Variants in EXTL2 observed in about 807,000 individuals in gnomAD.
The protein encoded by EXTL2 is exostosin like glycosyltransferase 2, also known as exostosin-like 2.
A neutral mutation model predicts 30.7 loss-of-function variants in EXTL2; 23 were observed. The observed-to-expected ratio is 0.75, with a 90% CI of 0.54 to 1.06. The LOEUF (loss-of-function observed/expected upper bound fraction) is 1.06, where lower values mean the gene tolerates loss of function less well. EXTL2 is among the 50% of genes least tolerant of loss of function. The probability of loss-of-function intolerance (pLI) is 0.00; values close to 1 mark genes in which losing one functional copy is unlikely to be tolerated. For missense variants in EXTL2, 352 were observed against 396.3 expected (o/e 0.89, Z 0.95); for synonymous variants, 123 against 133.8 (o/e 0.92, Z 0.56).
At chr1:100,882,047 G>A (rs1178050408) in intron 2 of EXTL2, among the ~76,000 whole-genome samples, 1 of 152,196 alleles carries the variant, frequency 6.6e-6, no homozygotes, top group African/African-American at 2.4e-5. Context: ...CTCCTTATGA[G>A]AATTTAATGC....
rs1052625927 is a variant in EXTL2, at chr1:100,873,373, G to A, written c.*569C>T. On this transcript the variant is annotated 3_prime_UTR_variant, in exon 5 of 5. Transcript: ENST00000370114. ...AAGACTTAACAAAAATAAAAGCATG[G>A]ATGGTTACATCAAAACCATGCTGGA... is the stretch of plus-strand genomic sequence containing the variant. 1 of 152,246 alleles carries A rather than the reference G, an allele frequency of 6.6e-6. No homozygotes were observed. Among genetic ancestry groups the A allele is most frequent in the African/African-American group, 2.4e-5 (1 of 41,414 alleles). The allele number at this position is 152,246 out of a possible 1,614,324, so 9.4% of individuals were successfully genotyped here.
chr1:100,873,399 C>G lies in EXTL2; in HGVS notation c.*543G>C, dbSNP rs1476241304. 6.6e-6 allele frequency: 1 copy of G among 152,454 alleles called. No homozygotes were observed. The highest frequency in any genetic ancestry group is 6.6e-5 in the Admixed American group (1 of 15,260). The allele number at this position is 152,454 out of a possible 1,614,324, so 9.4% of individuals were successfully genotyped here. A position where few individuals can be genotyped will look rare whatever the true frequency, so the allele number is the denominator to read the frequency against. On this transcript the variant is annotated 3_prime_UTR_variant, in exon 5 of 5. Coordinates refer to ENST00000370114, the MANE Select transcript of EXTL2 (RefSeq NM_001033025.3). ...ATGGTTACATCAAAACCATGCTGGA[C>G]TGAGTTCGTCCTGGAAGAGCTGGTT...
At chr1:100,883,204 T>G (rs978796706) in intron 2 of EXTL2, among the ~76,000 whole-genome samples, 1 of 152,076 alleles carries the variant, frequency 6.6e-6, no homozygotes, top group South Asian at 2.1e-4. Flanking sequence ...TATGTTGGAG[T>G]TTTTTAGTAT....
intron 2 of EXTL2, among the ~76,000 whole-genome samples, chr1:100,879,395 G>A (rs1649389136): frequency 6.6e-6 from 1 of 152,130 alleles, no homozygotes; most frequent in Non-Finnish European, 1.5e-5. Context: ...AGCCAGAAGT[G>A]AGGAAAATGA....
intron 2 of EXTL2, among the ~76,000 whole-genome samples, chr1:100,884,489 C>A (rs1649811747): frequency 6.6e-6 from 1 of 152,204 alleles, no homozygotes; most frequent in African/African-American, 2.4e-5. Flanking sequence ...AACCAATGAC[C>A]AGTTTCTGAC....
In EXTL2 at chr1:100,877,615, T is replaced by C. The variant is rs1193603435; in HGVS notation, c.294A>G (p.Val98=). 1 of 1,613,596 alleles carries C rather than the reference T, an allele frequency of 6.2e-7. No homozygotes were observed. Among genetic ancestry groups the C allele is most frequent in the South Asian group, 1.1e-5 (1 of 91,070 alleles). ...GTGCCTTCTCTCCAATATTGTTCCA[T>C]ACCACAATCACTTTGTGCAGATTTG... ...AVPNLHKVIV[V]WNNIGEKAPD... is the part of the protein sequence containing the mutation. The change falls in exon 3 of 5, where the codon GTA becomes GTG. Residue 98 remains valine, a synonymous_variant. Transcript: ENST00000370114. The surrounding 1 kb of genome is among the most constrained non-coding windows in gnomAD (Gnocchi z 4.1).
intron 1 of EXTL2, 102 bp from the exon 2 acceptor site, chr1:100,888,930 G>A: frequency 2.2e-6 from 1 of 447,748 alleles, no homozygotes. Context: ...TTGTCCATAA[G>A]CCTTGAGTTA....
At chr1:100,878,448 C>T (rs1372877298) in intron 2 of EXTL2, 1 of 470,986 alleles carries the variant, frequency 2.1e-6, no homozygotes, top group Admixed American at 2.3e-5. Flanking sequence ...GTTCCAGGTT[C>T]TGTGGATACA....
At position 100,877,453 on chromosome 1, in the gene EXTL2, C is replaced by G. The variant is rs769217197; in HGVS notation, c.433+23G>C. The G allele has an allele frequency of 6.5e-7, 1 of 1,542,460 alleles. No homozygotes were observed. Among genetic ancestry groups the G allele is most frequent in the Non-Finnish European group, 8.7e-7 (1 of 1,146,520 alleles). ...TCTGGACAGCGGCAGCCTTTCCAGG[C>G]TGAGAACTACACTGCAACTCACCAT... On this transcript the variant is annotated intron_variant, in intron 3 of 4. Transcript: ENST00000370114. This position sits in a 1 kb window ranked among gnomAD's most constrained non-coding sequence, Gnocchi z 4.1.
intron 4 of EXTL2, among the ~76,000 whole-genome samples, chr1:100,875,689 C>T (rs1649058997): frequency 6.6e-6 from 1 of 151,972 alleles, no homozygotes; most frequent in Non-Finnish European, 1.5e-5. Flanking sequence ...GGTCAATGGA[C>T]TGAAATTGTT....
chr1:100,879,546 CTTAA>C (rs879266687), intron 2 of EXTL2, among the ~76,000 whole-genome samples: 8 of 152,056 alleles, frequency 5.3e-5, no homozygotes, highest in Non-Finnish European at 1.0e-4. Context: ...TCTTGGTGAC[CTTAA>C]TTAACCCATA....
At chr1:100,881,010 C>T (rs946602339) in intron 2 of EXTL2, 2 of 984,066 alleles carry the variant, frequency 2.0e-6, no homozygotes, top group African/African-American at 3.5e-5. Context: ...GTATCCATCA[C>T]AGACATTTCC....
At chr1:100,879,267 C>T (rs975079645) in intron 2 of EXTL2, among the ~76,000 whole-genome samples, 3 of 152,108 alleles carry the variant, frequency 2.0e-5, no homozygotes, top group South Asian at 2.1e-4. Context: ...GCTACTTACT[C>T]TTCCACAGGC....
intron 2 of EXTL2, among the ~76,000 whole-genome samples, chr1:100,881,920 G>C (rs1438990583): frequency 6.6e-6 from 1 of 152,136 alleles, no homozygotes; most frequent in African/African-American, 2.4e-5. Context: ...GTGAGCAATG[G>C]GTAAGCAAGC....
Position 100,873,697 on chromosome 1 carries a change from T to C in EXTL2, c.*245A>G. ...CAGTCTCAGGATGTAAACAATAAAA[T>C]CACTGACCAAGGAGTTATATCCCTG... is the stretch of plus-strand genomic sequence containing the variant. On this transcript the variant is annotated 3_prime_UTR_variant, in exon 5 of 5. Coordinates refer to ENST00000370114, the MANE Select transcript of EXTL2 (RefSeq NM_001033025.3). The C allele has an allele frequency of 2.7e-6, 1 of 369,162 alleles. No individual in the cohort carries two copies. Among genetic ancestry groups the C allele is most frequent in the East Asian group, 4.8e-5 (1 of 21,030 alleles). 22.9% of individuals were successfully genotyped at this position (369,162 alleles called of 1,614,324 possible). A position where few individuals can be genotyped will look rare whatever the true frequency, so the allele number is the denominator to read the frequency against.
In EXTL2 at chr1:100,874,237, A is replaced by G; in HGVS notation, c.698T>C (p.Val233Ala). 2 of 1,612,912 alleles carry G rather than the reference A, an allele frequency of 1.2e-6. No homozygotes were observed. The highest frequency in any genetic ancestry group is 1.7e-6 in the Non-Finnish European group (2 of 1,179,398). The change falls in exon 5 of 5, where the codon GTC becomes GCC. Residue 233 changes from valine (V) to alanine (A), a missense_variant. Transcript: ENST00000370114. ...TTGAGTATCATCTATCAAAGCATGGACAGCTGCAGGTTGCCTCTGAAATAA... is the reference window on the plus strand; with the variant it reads ...TTGAGTATCATCTATCAAAGCATGGGCAGCTGCAGGTTGCCTCTGAAATAA... ...LELFQRQPAA[V>A]HALIDDTQNC...
At chr1:100,882,994 C>T (rs550264654) in intron 2 of EXTL2, among the ~76,000 whole-genome samples, 24 of 152,214 alleles carry the variant, frequency 1.6e-4, no homozygotes, top group African/African-American at 4.8e-4. Flanking sequence ...ACTCAAGGTC[C>T]GGGGATAAGG....
chr1:100,876,928 A>G, intron 3 of EXTL2, 64 bp from the exon 4 acceptor site: 2 of 1,055,916 alleles, frequency 1.9e-6, no homozygotes, highest in African/African-American at 1.6e-5. Context: ...GTAGTAAAAT[A>G]CAATAGTGTC....
chr1:100,887,941 C>T (rs752699974), intron 2 of EXTL2, among the ~76,000 whole-genome samples: 73 of 152,060 alleles, frequency 4.8e-4, no homozygotes, highest in African/African-American at 6.0e-4. Flanking sequence ...CCTTGTGATC[C>T]GCCCGCTTTG....
Sources: gnomAD v4.1 joint callset for allele counts (sites outside exome capture counted in the v4.1 genomes callset) on GRCh38, gnomAD v4.1.1 for gene constraint, Gnocchi (gnomAD v3.1) non-coding constraint, MANE v1.5 for transcripts, NCBI Gene and HGNC (gene_info 2026-07-23, HGNC 2026-07-21) for gene names.